The following SGCD variants were observed in gnomAD, a reference collection of about 807,000 sequenced individuals.
SGCD encodes sarcoglycan delta, also known as delta-sarcoglycan.
Under a neutral mutation model 36.6 loss-of-function variants are expected in SGCD, and 18 were observed. That is an observed-to-expected ratio of 0.49 (90% CI 0.34 to 0.73). The LOEUF (loss-of-function observed/expected upper bound fraction) is 0.73, where lower values mean the gene tolerates loss of function less well. SGCD is among the 30% of genes least tolerant of loss of function. The pLI is 0.01. For missense variants in SGCD, 387 were observed against 346.7 expected, an observed-to-expected ratio of 1.12 and a Z score of -0.92; for synonymous variants, 133 against 130.6, an observed-to-expected ratio of 1.02 and a Z score of -0.12.
intron 2 of SGCD, among the ~76,000 whole-genome samples, chr5:156,333,783 A>ATTTTTT (rs70984404): frequency 4.0e-4 from 8 of 19,966 alleles, no homozygotes; most frequent in Admixed American, 7.6e-4. Flanking sequence ...TAGAAAAGTG[A>ATTTTTT]TTTTTTTTTT....
chr5:156,011,433 T>G (rs1269123647), intron 1 of SGCD, among the ~76,000 whole-genome samples: 1 of 151,564 alleles, frequency 6.6e-6, no homozygotes, highest in Non-Finnish European at 1.5e-5. Context: ...TGAGAAATAA[T>G]CTGCAGAATT....
At chr5:156,730,457 A>C (rs2113804889) in intron 7 of SGCD, among the ~76,000 whole-genome samples, 1 of 152,234 alleles carries the variant, frequency 6.6e-6, no homozygotes, top group African/African-American at 2.4e-5. Context: ...CCCATTTATA[A>C]GTGAGAACAT....
rs555872605 is a variant in SGCD, at chr5:156,297,461, A to G, written c.-43-32073A>G. On this transcript the variant is annotated intron_variant, in intron 3 of 9. Coordinates refer to the SGCD transcript ENST00000517913. ...CACCATGGAATACTATGCAGCCATA[A>G]AAAATGATGAGTTCATGTCCTTTGT... 9.8e-4 allele frequency among the ~76,000 whole-genome samples: 149 copies of G among 152,188 alleles called. 2 individuals are homozygous for G. Among genetic ancestry groups the G allele is most frequent in the African/African-American group, 3.4e-3 (142 of 41,528 alleles).
chr5:156,596,848 C>A (rs557822796), intron 6 of SGCD, among the ~76,000 whole-genome samples: 1 of 152,198 alleles, frequency 6.6e-6, no homozygotes, highest in African/African-American at 2.4e-5. Context: ...TACATGTGTG[C>A]ATATATATTC....
chr5:156,163,442 A>G (rs1022543896), intron 3 of SGCD, among the ~76,000 whole-genome samples: 1 of 151,530 alleles, frequency 6.6e-6, no homozygotes, highest in African/African-American at 2.4e-5. Flanking sequence ...ACCACCATTA[A>G]CCACACATAA....
the SGCD span, among the ~76,000 whole-genome samples, chr5:155,773,677 G>C: frequency 6.6e-6 from 1 of 152,124 alleles, no homozygotes; most frequent in African/African-American, 2.4e-5. Context: ...TAAGATGATG[G>C]GAGGACAGAA....
chr5:156,177,290 G>A (rs1363738914), intron 3 of SGCD, among the ~76,000 whole-genome samples: 6 of 152,118 alleles, frequency 3.9e-5, no homozygotes, highest in Non-Finnish European at 5.9e-5. Flanking sequence ...GTGAGCCACC[G>A]TGCCTGGCCC....
the SGCD span, among the ~76,000 whole-genome samples, chr5:155,745,969 C>T: frequency 3.3e-4 from 50 of 152,340 alleles, no homozygotes; most frequent in African/African-American, 1.2e-3. Context: ...AGAAAATCCT[C>T]TCCTGTGTGT....
chr5:155,946,859 A>G (rs1757446461), intron 1 of SGCD, among the ~76,000 whole-genome samples: 1 of 152,198 alleles, frequency 6.6e-6, no homozygotes, highest in African/African-American at 2.4e-5. Context: ...GTGATGGCAC[A>G]TTATAACAAT....
Position 156,764,031 on chromosome 5 carries a change from G to C in SGCD, c.*4641G>C, listed in dbSNP as rs1757542912. ...AAAGGTCAAAAATTTCATTAAACAA[G>C]ACCAGTTCTCCCTCTTCCCCCTGTC... On this transcript the variant is annotated 3_prime_UTR_variant, in exon 9 of 9. Coordinates refer to ENST00000337851, the MANE Select transcript of SGCD (RefSeq NM_000337.6). 1 of 152,148 alleles carries C rather than the reference G, an allele frequency of 6.6e-6. No homozygotes were observed. The highest frequency in any genetic ancestry group is 2.1e-4 in the South Asian group (1 of 4,832). The allele number at this position is 152,148 out of a possible 1,614,324, so 9.4% of individuals were successfully genotyped here. A position where few individuals can be genotyped will look rare whatever the true frequency, so the allele number is the denominator to read the frequency against.
intron 3 of SGCD, among the ~76,000 whole-genome samples, chr5:156,219,048 ATTAAT>A (rs1764652846): frequency 6.6e-6 from 1 of 152,172 alleles, no homozygotes; most frequent in Non-Finnish European, 1.5e-5. Context: ...TAAGGAAGAA[ATTAAT>A]TTAATCATAT....
chr5:156,120,265 T>A (rs1762005833), intron 2 of SGCD, among the ~76,000 whole-genome samples: 1 of 151,988 alleles, frequency 6.6e-6, no homozygotes, highest in Admixed American at 6.6e-5. Flanking sequence ...GGGTGGGAGG[T>A]GAGGAGCAAA....
rs184185379 is a variant in SGCD at position 155,957,076 on chromosome 5, G to A, written c.-282+86652G>A. On this transcript the variant is annotated intron_variant, in intron 1 of 9. Transcript: ENST00000517913. ...GGTGATAGGAGTGCAGAAGTGATGC[G>A]GTTTTGAATAAGGTGCTCAAGGAAG... 8.1e-3 allele frequency among the ~76,000 whole-genome samples: 1,223 copies of A among 150,782 alleles called. 12 individuals are homozygous for A. The highest frequency in any genetic ancestry group is 0.011 in the Non-Finnish European group (732 of 67,922).
chr5:156,471,381 A>C (rs1042587546), intron 3 of SGCD, among the ~76,000 whole-genome samples: 4 of 152,176 alleles, frequency 2.6e-5, no homozygotes, highest in Admixed American at 2.6e-4. Context: ...AAGAACTTAC[A>C]CTACCAGATT....
At chr5:155,947,979 A>G (rs998434739) in intron 1 of SGCD, among the ~76,000 whole-genome samples, 1 of 152,202 alleles carries the variant, frequency 6.6e-6, no homozygotes, top group East Asian at 1.9e-4. Flanking sequence ...AGATTTCATC[A>G]TATGTTTAAA....
At chr5:155,903,895 T>C (rs1221615871) in intron 1 of SGCD, among the ~76,000 whole-genome samples, 2 of 152,148 alleles carry the variant, frequency 1.3e-5, no homozygotes, top group African/African-American at 4.8e-5. Context: ...AATCACAGGC[T>C]TTGGGGAGGA....
chr5:155,897,206 G>T (rs903939307), intron 1 of SGCD, among the ~76,000 whole-genome samples: 1 of 152,200 alleles, frequency 6.6e-6, no homozygotes, highest in African/African-American at 2.4e-5. Context: ...AACCTGTAGA[G>T]CATGTTACTG....
intron 3 of SGCD, among the ~76,000 whole-genome samples, chr5:156,246,166 C>T (rs537062420): frequency 4.5e-4 from 68 of 152,224 alleles, no homozygotes; most frequent in African/African-American, 1.4e-3. Flanking sequence ...ATAGATGGTC[C>T]ATCCACTAAG....
chr5:156,177,188 G>T (rs754503638), intron 3 of SGCD, among the ~76,000 whole-genome samples: 7 of 151,958 alleles, frequency 4.6e-5, no homozygotes, highest in Non-Finnish European at 7.4e-5. Context: ...TTTTAGTAGA[G>T]ACGGGGTTTT....
Sources: gnomAD v4.1 joint callset for allele counts (sites outside exome capture counted in the v4.1 genomes callset) on GRCh38, gnomAD v4.1.1 for gene constraint, MANE v1.5 for transcripts, NCBI Gene and HGNC (gene_info 2026-07-23, HGNC 2026-07-21) for gene names.